Variants in TMEM245 observed in about 807,000 individuals in gnomAD.
TMEM245 encodes the protein transmembrane protein 245.
TMEM245 carries 69 observed loss-of-function variants against 101.2 expected under a neutral mutation model. The observed-to-expected ratio is 0.68, with a 90% confidence interval of 0.56 to 0.83. The LOEUF is 0.83. Ranked by LOEUF, TMEM245 falls within the 40% of genes least tolerant of loss-of-function variation. The pLI is 0.00. For missense variants in TMEM245, 1,075 were observed against 1,092.8 expected, an observed-to-expected ratio of 0.98 and a Z score of 0.23; for synonymous variants, 537 against 449.8, an observed-to-expected ratio of 1.19 and a Z score of -2.45.
In TMEM245 at chr9:109,020,288, C is replaced by T. The variant is rs949093530; in HGVS notation, c.*172G>A. On this transcript the variant is annotated 3_prime_UTR_variant, in exon 18 of 18. Coordinates refer to ENST00000374586, the MANE Select transcript of TMEM245 (RefSeq NM_032012.4). ...AGCTGTGTTTTAAAATACAAAGCAG[C>T]CCGCAGCAAGTTCTCTCTTGTCCAG... is the stretch of plus-strand genomic sequence containing the variant. The T allele has an allele frequency of 1.8e-5, 13 of 719,052 alleles. No individual in the cohort carries two copies. Among genetic ancestry groups the T allele is most frequent in the Non-Finnish European group, 3.3e-5 (13 of 390,524 alleles). 44.5% of individuals were successfully genotyped at this position (719,052 alleles called of 1,614,324 possible).
intron 7 of TMEM245, among the ~76,000 whole-genome samples, chr9:109,084,743 G>A (rs941609592): frequency 2.0e-5 from 3 of 152,084 alleles, no homozygotes; most frequent in African/African-American, 7.2e-5. Context: ...ATTTTAAAAC[G>A]TGACTTATAT....
At chr9:109,094,854 T>C (rs577464306) in intron 3 of TMEM245, among the ~76,000 whole-genome samples, 2 of 152,288 alleles carry the variant, frequency 1.3e-5, no homozygotes, top group African/African-American at 2.4e-5. Context: ...TATGGCAACA[T>C]AGGATTCTGT....
At chr9:109,068,620 G>C (rs965870756) in intron 9 of TMEM245, among the ~76,000 whole-genome samples, 2 of 152,120 alleles carry the variant, frequency 1.3e-5, no homozygotes, top group African/African-American at 4.8e-5. Context: ...GCCTGGGTTA[G>C]AGTGAGACTC....
At chr9:109,065,608 T>C (rs1829145454) in intron 9 of TMEM245, among the ~76,000 whole-genome samples, 1 of 152,218 alleles carries the variant, frequency 6.6e-6, no homozygotes, top group African/African-American at 2.4e-5. Flanking sequence ...CTCATTCTTC[T>C]GTTGACTAAG....
At chr9:109,032,758 A>T in intron 17 of TMEM245, among the ~76,000 whole-genome samples, 1 of 146,928 alleles carries the variant, frequency 6.8e-6, no homozygotes, top group African/African-American at 2.5e-5. Flanking sequence ...GATTTTTTAA[A>T]TTTATTTTTG....
At chr9:109,059,788 G>A (rs915200673) in intron 11 of TMEM245, among the ~76,000 whole-genome samples, 1 of 151,954 alleles carries the variant, frequency 6.6e-6, no homozygotes, top group African/African-American at 2.4e-5. Context: ...CAGTTGTACT[G>A]TCTAAAACAG....
chr9:109,073,294 G>A (rs1472181557), intron 9 of TMEM245, 62 bp downstream of exon 9: 21 of 1,263,244 alleles, frequency 1.7e-5, no homozygotes, highest in Non-Finnish European at 2.2e-5. Context: ...AGGTCATTTC[G>A]TGCAAACAGA....
In TMEM245 at chr9:109,085,944, C is replaced by T. The variant is rs573026157; in HGVS notation, c.1344+53G>A. On this transcript the variant is annotated intron_variant, in intron 7 of 17. Transcript: ENST00000374586. ...GAAACATAGAGTGAAAAAGGCGATACAGGGGCATTACGGAATTCAATAGTA... is the reference window on the plus strand; with the variant it reads ...GAAACATAGAGTGAAAAAGGCGATATAGGGGCATTACGGAATTCAATAGTA... 291 of 1,586,438 alleles carry T rather than the reference C, an allele frequency of 1.8e-4. 1 individual carries two copies. The East Asian group carries it at 6.2e-3, about 34-fold the overall frequency.
chr9:109,044,182 C>T (rs376945947), intron 14 of TMEM245, among the ~76,000 whole-genome samples: 13 of 152,292 alleles, frequency 8.5e-5, no homozygotes, highest in African/African-American at 3.1e-4. Flanking sequence ...TAGCTCTCAA[C>T]CCTCTCTTTT....
intron 3 of TMEM245, among the ~76,000 whole-genome samples, chr9:109,099,617 C>G: frequency 6.6e-6 from 1 of 152,072 alleles, no homozygotes; most frequent in East Asian, 1.9e-4. Context: ...AGCATAACAC[C>G]AATCTCACTA....
chr9:109,086,468 C>A (rs1291875983), intron 6 of TMEM245, among the ~76,000 whole-genome samples: 1 of 152,188 alleles, frequency 6.6e-6, no homozygotes, highest in African/African-American at 2.4e-5. Context: ...AGTGCTGCCA[C>A]TGTATCCCAT....
At chr9:109,104,901 T>C (rs1256745291) in intron 3 of TMEM245, among the ~76,000 whole-genome samples, 1 of 152,116 alleles carries the variant, frequency 6.6e-6, no homozygotes, top group Non-Finnish European at 1.5e-5. Context: ...GATAAAAATA[T>C]AAAATTCTTA....
chr9:109,025,416 A>G (rs934679434), intron 17 of TMEM245, among the ~76,000 whole-genome samples: 22 of 152,232 alleles, frequency 1.4e-4, no homozygotes, highest in East Asian at 3.9e-4. Context: ...TATGAAAGAT[A>G]TAAACCTCAG....
chr9:109,030,075 G>A (rs1827902770), intron 17 of TMEM245, among the ~76,000 whole-genome samples: 1 of 152,200 alleles, frequency 6.6e-6, no homozygotes, highest in Admixed American at 6.5e-5. Flanking sequence ...GGGGGAATGG[G>A]TAGTGAAAGC....
At chr9:109,023,836 CAAAAAAA>C (rs139227712) in intron 17 of TMEM245, among the ~76,000 whole-genome samples, 3 of 82,800 alleles carry the variant, frequency 3.6e-5, no homozygotes, top group Non-Finnish European at 5.2e-5. Context: ...ACTCTGTTTC[CAAAAAAA>C]AAAAAAAAAA....
intron 17 of TMEM245, among the ~76,000 whole-genome samples, chr9:109,021,812 A>ACCC: frequency 6.6e-6 from 1 of 151,296 alleles, no homozygotes; most frequent in South Asian, 2.1e-4. Context: ...CACCACCACC[A>ACCC]CCCCCCCAAA....
In TMEM245 at chr9:109,119,492, T is replaced by C; in HGVS notation, c.422A>G (p.Gln141Arg). ...GAGCAGGCGGCGGCGGCGCAGCGCC[T>C]GCTCGCCCAGGGCCTCGACGCCGTA... ...VDYGVEALGE[Q>R]ALRRRRLLLL... Residue 141 changes from glutamine to arginine, a missense_variant, in exon 1 of 18, where the codon CAG becomes CGG. Physicochemically the swap from Gln to Arg is conservative, Grantham distance 43. Transcript: ENST00000374586. 6.7e-7 allele frequency: 1 copy of C among 1,494,746 alleles called. No homozygotes were observed. Among genetic ancestry groups the C allele is most frequent in the Non-Finnish European group, 8.8e-7 (1 of 1,131,394 alleles). 92.6% of individuals were successfully genotyped at this position (1,494,746 alleles called of 1,614,324 possible).
At chr9:109,063,617 C>T (rs1392334460) in intron 10 of TMEM245, among the ~76,000 whole-genome samples, 1 of 152,156 alleles carries the variant, frequency 6.6e-6, no homozygotes, top group Non-Finnish European at 1.5e-5. Flanking sequence ...TTCCTACAGG[C>T]AAAACTAGGG....
chr9:109,119,681 T>C lies in TMEM245; in HGVS notation c.233A>G (p.Glu78Gly). The change falls in exon 1 of 18, where the codon GAG becomes GGG. Residue 78 changes from glutamate (E) to glycine (G), a missense_variant. By Grantham distance (98) the Glu-to-Gly change is moderately conservative (BLOSUM62 -2). Around this residue, in one of 2 missense-constraint regions of TMEM245, gnomAD observed 808 missense variants for 741.5 expected, o/e 1.09. Transcript: ENST00000374586. ...CCAGAGCAGCGGCCGCAGGAAGGCC[T>C]CCAGGATGAAGTAGACCAGCACCGC... Reference protein sequence around the residue: ...GAAVLVYFILEAFLRPLLWAV... With the variant: ...GAAVLVYFILGAFLRPLLWAV... 6.4e-7 allele frequency: 1 copy of C among 1,556,864 alleles called. No homozygotes were observed. The highest frequency in any genetic ancestry group is 1.4e-5 in the African/African-American group (1 of 72,552).
Sources: gnomAD v4.1 joint callset for allele counts (sites outside exome capture counted in the v4.1 genomes callset) on GRCh38, gnomAD v4.1.1 for gene constraint, gnomAD v4.1.1 regional missense constraint, MANE v1.5 for transcripts, NCBI Gene and HGNC (gene_info 2026-07-23, HGNC 2026-07-21) for gene names.